The following CSMD1 variants were observed in gnomAD, a reference collection of about 807,000 sequenced individuals.
CSMD1 encodes the protein CUB and Sushi multiple domains 1.
Under a neutral mutation model 417.5 loss-of-function variants are expected in CSMD1, and 213 were observed. That is an observed-to-expected ratio of 0.51 (90% CI 0.46 to 0.57). The LOEUF (loss-of-function observed/expected upper bound fraction) is 0.57, where lower values mean the gene tolerates loss of function less well. Among genes scored for constraint, CSMD1 ranks in the 20% least tolerant of loss-of-function variants. CSMD1 has a pLI of 0.00. For missense variants in CSMD1, 6,923 were observed against 4,529.7 expected, an observed-to-expected ratio of 1.53 and a Z score of -15.17; for synonymous variants, 2,862 against 1,736.8, an observed-to-expected ratio of 1.65 and a Z score of -16.11.
At chr8:2,949,433 G>T (rs1446739579) in intron 67 of CSMD1, 47 bp from the exon 68 acceptor site, 5 of 976,240 alleles carry the variant, frequency 5.1e-6, no homozygotes, top group Non-Finnish European at 7.8e-6. Context: ...GTATACGAAG[G>T]GATGAATAAT....
chr8:3,337,781 A>T (rs1441435127), intron 23 of CSMD1, among the ~76,000 whole-genome samples: 2 of 152,154 alleles, frequency 1.3e-5, no homozygotes, highest in African/African-American at 2.4e-5. Flanking sequence ...GCCTATAGGG[A>T]TCTGATTATT....
intron 5 of CSMD1, among the ~76,000 whole-genome samples, chr8:3,876,935 T>A (rs1805863034): frequency 6.6e-6 from 1 of 152,222 alleles, no homozygotes. Context: ...TGGCTTTTTA[T>A]CATGATTTAT....
intron 5 of CSMD1, among the ~76,000 whole-genome samples, chr8:3,903,777 C>T (rs1807923667): frequency 6.6e-6 from 1 of 152,160 alleles, no homozygotes; most frequent in South Asian, 2.1e-4. Context: ...ATTGAGTCCA[C>T]ATTTGAGCCT....
chr8:3,435,512 T>C (rs1814500141), intron 12 of CSMD1, among the ~76,000 whole-genome samples: 1 of 152,116 alleles, frequency 6.6e-6, no homozygotes, highest in East Asian at 1.9e-4. Context: ...AAGCCCACTC[T>C]GTCCACCTCT....
intron 3 of CSMD1, among the ~76,000 whole-genome samples, chr8:4,033,798 T>C (rs375880311): frequency 1.3e-5 from 2 of 152,216 alleles, no homozygotes; most frequent in East Asian, 1.9e-4. Context: ...TGATTCTCTA[T>C]CTAAATCAAT....
At chr8:4,006,741 A>C (rs1816145778) in intron 4 of CSMD1, among the ~76,000 whole-genome samples, 1 of 152,118 alleles carries the variant, frequency 6.6e-6, no homozygotes, top group South Asian at 2.1e-4. Context: ...GACTGGAACC[A>C]GAAGGAACTC....
chr8:3,505,932 A>T (rs996902578), intron 10 of CSMD1, among the ~76,000 whole-genome samples: 1 of 152,238 alleles, frequency 6.6e-6, no homozygotes, highest in Non-Finnish European at 1.5e-5. Context: ...CACTAAAAAG[A>T]ATGATCTCCA....
chr8:3,906,955 C>T (rs573092269), intron 5 of CSMD1, among the ~76,000 whole-genome samples: 14 of 152,292 alleles, frequency 9.2e-5, no homozygotes, highest in African/African-American at 3.1e-4. Context: ...CTGGGTAATA[C>T]CAGTTATCAG....
chr8:3,067,292 G>A (rs947711969), intron 49 of CSMD1, among the ~76,000 whole-genome samples: 5 of 151,986 alleles, frequency 3.3e-5, no homozygotes, highest in Admixed American at 6.6e-5. Flanking sequence ...ATTACCAGAC[G>A]CTCTCACTTC....
chr8:2,951,273 G>T lies in CSMD1; in HGVS notation c.10042C>A (p.Pro3348Thr). 1 of 1,600,624 alleles carries T rather than the reference G, an allele frequency of 6.2e-7. No homozygotes were observed. The highest frequency in any genetic ancestry group is 8.5e-7 in the Non-Finnish European group (1 of 1,173,010). Residue 3348 changes from proline to threonine, a missense_variant and splice_region_variant, in exon 66 of 70, where the codon CCT becomes ACT. Physicochemically the swap from Pro to Thr is conservative, Grantham distance 38. Transcript: ENST00000635120. ...VNETVTKTPVPSDVFFVNSLW... is the reference protein window; with the variant it reads ...VNETVTKTPVTSDVFFVNSLW... ...GAATTGACGAAAAAGACATCTGAAG[G>T]AACTGTGGGAAGGGGGGAAACAGAC...
intron 5 of CSMD1, among the ~76,000 whole-genome samples, chr8:3,866,312 G>C (rs531375632): frequency 1.3e-5 from 2 of 152,278 alleles, no homozygotes; most frequent in African/African-American, 2.4e-5. Flanking sequence ...TGCTGTAAAA[G>C]GCTGGCTGAA....
chr8:3,679,716 A>G (rs1799555252), intron 7 of CSMD1, among the ~76,000 whole-genome samples: 1 of 152,210 alleles, frequency 6.6e-6, no homozygotes, highest in African/African-American at 2.4e-5. Flanking sequence ...CTCCACCCCA[A>G]ATCAACAGAA....
intron 1 of CSMD1, among the ~76,000 whole-genome samples, chr8:4,732,802 A>G (rs1411297861): frequency 6.6e-6 from 1 of 152,140 alleles, no homozygotes; most frequent in Non-Finnish European, 1.5e-5. Context: ...GGATTTAGTA[A>G]CTCCAGGCAG....
chr8:4,647,386 G>A (rs1335834614), intron 1 of CSMD1, among the ~76,000 whole-genome samples: 1 of 150,964 alleles, frequency 6.6e-6, no homozygotes. Flanking sequence ...GTACGCGTGT[G>A]CCACGGAGGT....
chr8:3,545,537 A>G (rs1402141819), intron 10 of CSMD1, among the ~76,000 whole-genome samples: 1 of 152,138 alleles, frequency 6.6e-6, no homozygotes, highest in East Asian at 1.9e-4. Context: ...TAATTTCACC[A>G]CTCTAATGTG....
intron 23 of CSMD1, among the ~76,000 whole-genome samples, chr8:3,319,084 G>C (rs1395577103): frequency 1.6e-4 from 25 of 152,046 alleles, no homozygotes; most frequent in Admixed American, 1.4e-3. Context: ...AAACAAACTG[G>C]GGATGTTTAT....
chr8:3,387,055 C>G (rs1811047044), intron 18 of CSMD1, among the ~76,000 whole-genome samples: 1 of 152,290 alleles, frequency 6.6e-6, no homozygotes, highest in African/African-American at 2.4e-5. Context: ...AGAATGAGAA[C>G]TCCCAGGAGA....
intron 5 of CSMD1, among the ~76,000 whole-genome samples, chr8:3,905,765 C>G (rs1296948793): frequency 6.6e-6 from 1 of 152,216 alleles, no homozygotes; most frequent in African/African-American, 2.4e-5. Context: ...GCTCATCACC[C>G]TAAACCTTGC....
intron 50 of CSMD1, among the ~76,000 whole-genome samples, chr8:3,040,577 G>C (rs1811022228): frequency 6.6e-6 from 1 of 151,816 alleles, no homozygotes; most frequent in Admixed American, 6.6e-5. Context: ...GGACGAGGCA[G>C]GTGGATCACG....
Sources: gnomAD v4.1 joint callset for allele counts (sites outside exome capture counted in the v4.1 genomes callset) on GRCh38, gnomAD v4.1.1 for gene constraint, MANE v1.5 for transcripts, NCBI Gene and HGNC (gene_info 2026-07-23, HGNC 2026-07-21) for gene names.